Variants in ENTREP2 observed in about 807,000 individuals in gnomAD.
ENTREP2 encodes the protein protein ENTREP2.
At chr15:29,524,903 G>T in the ENTREP2 span, among the ~76,000 whole-genome samples, 7,816 of 152,310 alleles carry the variant, frequency 0.051, 627 homozygotes, top group African/African-American at 0.18. Flanking sequence ...GCCCACTCCC[G>T]GCTCGAATGC....
chr15:29,665,634 G>T, the ENTREP2 span, among the ~76,000 whole-genome samples: 1 of 152,280 alleles, frequency 6.6e-6, no homozygotes, highest in African/African-American at 2.4e-5. Context: ...CTTTCTTCCT[G>T]AACAGCATGC....
At chr15:29,341,438 C>T in the ENTREP2 span, among the ~76,000 whole-genome samples, 2 of 152,210 alleles carry the variant, frequency 1.3e-5, no homozygotes, top group Admixed American at 6.5e-5. Context: ...CAGGGTGCTA[C>T]GGGCACATTG....
At chr15:29,331,299 C>T in the ENTREP2 span, among the ~76,000 whole-genome samples, 331 of 152,244 alleles carry the variant, frequency 2.2e-3, 10 homozygotes, top group East Asian at 0.059. Context: ...GAGGGAAAAG[C>T]ACAATGGACA....
chr15:29,302,097 T>G, the ENTREP2 span, among the ~76,000 whole-genome samples: 1 of 152,342 alleles, frequency 6.6e-6, no homozygotes, highest in Admixed American at 6.5e-5. Flanking sequence ...GTTTTTTTCA[T>G]TTTTGATGTT....
the ENTREP2 span, among the ~76,000 whole-genome samples, chr15:29,503,250 T>C: frequency 1.3e-5 from 2 of 152,286 alleles, no homozygotes; most frequent in Admixed American, 6.5e-5. Context: ...ATATGGAATG[T>C]CATTTTCCAC....
At chr15:29,570,967 C>A in the ENTREP2 span, among the ~76,000 whole-genome samples, 1 of 145,026 alleles carries the variant, frequency 6.9e-6, no homozygotes, top group Non-Finnish European at 1.5e-5. Flanking sequence ...CCGGCCGCGC[C>A]GCGCTGCGCC....
chr15:29,190,055 C>T, the ENTREP2 span, among the ~76,000 whole-genome samples: 3 of 152,304 alleles, frequency 2.0e-5, no homozygotes, highest in East Asian at 5.8e-4. Context: ...GAAGCAGGGA[C>T]ATGGGTCCTG....
At chr15:29,640,560 G>T in the ENTREP2 span, among the ~76,000 whole-genome samples, 4 of 152,236 alleles carry the variant, frequency 2.6e-5, no homozygotes, top group African/African-American at 9.6e-5. Context: ...TACTCTGGGA[G>T]ATGGAGGTGG....
At chr15:29,385,009 C>T in the ENTREP2 span, among the ~76,000 whole-genome samples, 6,020 of 152,242 alleles carry the variant, frequency 0.04, 262 homozygotes, top group African/African-American at 0.1. Flanking sequence ...CGTTCTTCAA[C>T]CATGGCCCCA....
chr15:29,423,921 G>GA, the ENTREP2 span, among the ~76,000 whole-genome samples: 1 of 152,016 alleles, frequency 6.6e-6, no homozygotes, highest in African/African-American at 2.4e-5. Context: ...ATCTCAATGG[G>GA]AAAAAAAATG....
chr15:29,327,329 C>G, the ENTREP2 span, among the ~76,000 whole-genome samples: 1 of 152,066 alleles, frequency 6.6e-6, no homozygotes, highest in African/African-American at 2.4e-5. Context: ...GTGGCTCAAG[C>G]CTGTAATCCC....
chr15:29,418,350 A>G, the ENTREP2 span, among the ~76,000 whole-genome samples: 1 of 152,138 alleles, frequency 6.6e-6, no homozygotes, highest in African/African-American at 2.4e-5. Flanking sequence ...AACAGGTGGC[A>G]ACTCCCTTCC....
chr15:29,492,709 A>G, the ENTREP2 span, among the ~76,000 whole-genome samples: 9 of 152,306 alleles, frequency 5.9e-5, no homozygotes, highest in South Asian at 1.0e-3. Context: ...ATAATTGTTA[A>G]AATTTTTATT....
chr15:29,278,533 C>T, the ENTREP2 span, among the ~76,000 whole-genome samples: 2 of 152,192 alleles, frequency 1.3e-5, no homozygotes, highest in Non-Finnish European at 2.9e-5. Context: ...GGCCTGGGCT[C>T]CAAGAGGCCC....
At chr15:29,389,271 G>C in the ENTREP2 span, among the ~76,000 whole-genome samples, 1 of 152,030 alleles carries the variant, frequency 6.6e-6, no homozygotes, top group Non-Finnish European at 1.5e-5. Flanking sequence ...ATTTCTGTTA[G>C]GTCACCTAGT....
At chr15:29,263,747 T>C in the ENTREP2 span, among the ~76,000 whole-genome samples, 1 of 152,146 alleles carries the variant, frequency 6.6e-6, no homozygotes, top group Non-Finnish European at 1.5e-5. Flanking sequence ...AGCAATGATA[T>C]TTCCCATAGG....
At chr15:29,640,449 G>C in the ENTREP2 span, among the ~76,000 whole-genome samples, 3 of 152,098 alleles carry the variant, frequency 2.0e-5, no homozygotes, top group Non-Finnish European at 4.4e-5. Context: ...TCTGAGCTCA[G>C]AAGTTTGAGA....
the ENTREP2 span, among the ~76,000 whole-genome samples, chr15:29,225,806 C>T: frequency 6.6e-6 from 1 of 152,214 alleles, no homozygotes; most frequent in African/African-American, 2.4e-5. Context: ...CTGAAATGAG[C>T]CTCCGGGCCT....
At chr15:29,297,184 T>C in the ENTREP2 span, among the ~76,000 whole-genome samples, 2 of 152,170 alleles carry the variant, frequency 1.3e-5, no homozygotes, top group African/African-American at 2.4e-5. Flanking sequence ...ATTTACAATG[T>C]CCAGCATACG....
Sources: allele counts gnomAD v4.1 joint callset (sites outside exome capture counted in the v4.1 genomes callset), GRCh38; gene constraint gnomAD v4.1.1; transcripts MANE v1.5; gene names NCBI Gene and HGNC (gene_info 2026-07-23, HGNC 2026-07-21).